Variants in RFTN1 observed in about 807,000 individuals in gnomAD.
RFTN1 encodes the protein raftlin.
Under a neutral mutation model 46.5 loss-of-function variants are expected in RFTN1, and 26 were observed. That is an observed-to-expected ratio of 0.56 (90% CI 0.41 to 0.78). The LOEUF is 0.78. RFTN1 is among the 30% of genes least tolerant of loss of function. RFTN1 has a pLI of 0.00. For missense variants in RFTN1, 693 were observed against 718.7 expected (o/e 0.96, Z 0.41); for synonymous variants, 261 against 284.2 (o/e 0.92, Z 0.82).
chr3:16,324,450 C>T (rs1316502867), intron 8 of RFTN1, among the ~76,000 whole-genome samples: 1 of 152,164 alleles, frequency 6.6e-6, no homozygotes, highest in Non-Finnish European at 1.5e-5. Context: ...CCCCACTCCC[C>T]AGCCTCTGGT....
In RFTN1 at chr3:16,370,302, T is replaced by C. The variant is rs778474479; in HGVS notation, c.827-23A>G. The stretch of plus-strand genomic sequence containing the variant: ...TTTCTGTTGGGATTTGTAAAGGGAG[T>C]GGAGAGAGAAGAGGTCAACTGATGA... On this transcript the variant is annotated intron_variant, in intron 5 of 9. Transcript: ENST00000334133. The surrounding 1 kb of genome is among the most constrained non-coding windows in gnomAD (Gnocchi z 5.5). 1.2e-6 allele frequency: 2 copies of C among 1,610,342 alleles called. No individual in the cohort carries two copies. The highest frequency in any genetic ancestry group is 2.2e-5 in the East Asian group (1 of 44,824).
intron 2 of RFTN1, among the ~76,000 whole-genome samples, chr3:16,467,798 T>C (rs1009235051): frequency 6.6e-6 from 1 of 152,034 alleles, no homozygotes; most frequent in Non-Finnish European, 1.5e-5. Flanking sequence ...AAGACAGAAA[T>C]GGGTGAAAGC....
At position 16,335,374 on chromosome 3, in the gene RFTN1, G is replaced by T. The variant is rs1360629497; in HGVS notation, c.1147-8498C>A. ...TTGGACAATCCTGCATGGGAAACAG[G>T]CTTAAGAAGGGAGTTTGTACCACAT... On this transcript the variant is annotated intron_variant, in intron 7 of 9. Transcript: ENST00000334133. The surrounding 1 kb of genome is among the most constrained non-coding windows in gnomAD (Gnocchi z 4.7). Among the ~76,000 whole-genome samples the T allele has an allele frequency of 6.6e-6, 1 of 152,188 alleles. No homozygotes were observed. Among genetic ancestry groups the T allele is most frequent in the Non-Finnish European group, 1.5e-5 (1 of 68,034 alleles).
intron 2 of RFTN1, among the ~76,000 whole-genome samples, chr3:16,435,929 T>C (rs1490101261): frequency 2.0e-5 from 3 of 149,400 alleles, no homozygotes; most frequent in Non-Finnish European, 4.4e-5. Flanking sequence ...TATATATATA[T>C]ATATATATAT....
rs6782966 is a variant in RFTN1 at position 16,458,353 on chromosome 3, G to A, written c.146-24316C>T. Among the ~76,000 whole-genome samples, 3,144 of 152,302 alleles carry A rather than the reference G, an allele frequency of 0.021. 99 individuals carry two copies. Among genetic ancestry groups the A allele is most frequent in the African/African-American group, 0.071 (2,954 of 41,552 alleles). On this transcript the variant is annotated intron_variant, in intron 2 of 9. Transcript: ENST00000334133. This position sits in a 1 kb window ranked among gnomAD's most constrained non-coding sequence, Gnocchi z 5.1. ...GTCCAGGTATGCTCGGGGTGCTGGAGTTTCAGGTAGTGGGGTGCTATGCCC... is the reference window on the plus strand; with the variant it reads ...GTCCAGGTATGCTCGGGGTGCTGGAATTTCAGGTAGTGGGGTGCTATGCCC...
intron 6 of RFTN1, among the ~76,000 whole-genome samples, chr3:16,369,584 G>C (rs768777721): frequency 6.6e-6 from 1 of 152,234 alleles, no homozygotes; most frequent in Non-Finnish European, 1.5e-5. Flanking sequence ...TGGGGAGGGG[G>C]TACTGGGTGC....
At chr3:16,467,815 C>G (rs2076126719) in intron 2 of RFTN1, among the ~76,000 whole-genome samples, 1 of 152,296 alleles carries the variant, frequency 6.6e-6, no homozygotes, top group African/African-American at 2.4e-5. Flanking sequence ...AAGCCTTTCA[C>G]AGCAAATATC....
chr3:16,471,979 T>A (rs935247726), intron 2 of RFTN1: 2 of 152,134 alleles, frequency 1.3e-5, no homozygotes, highest in Non-Finnish European at 2.9e-5. Context: ...CTCGATAGCA[T>A]CTTCATATGG....
intron 2 of RFTN1, among the ~76,000 whole-genome samples, chr3:16,493,067 TG>T (rs1362353443): frequency 3.3e-5 from 5 of 152,222 alleles, no homozygotes; most frequent in African/African-American, 4.8e-5. Flanking sequence ...CAGGTGAATT[TG>T]GGTGGAGAGG....
intron 7 of RFTN1, among the ~76,000 whole-genome samples, chr3:16,347,076 C>T (rs1254348711): frequency 6.6e-6 from 1 of 152,230 alleles, no homozygotes; most frequent in Non-Finnish European, 1.5e-5. Flanking sequence ...CCCTGGGCTT[C>T]TGTTGGCCTT....
Position 16,493,993 on chromosome 3 carries a change from C to T in RFTN1, c.-8-116G>A, listed in dbSNP as rs2076584972. 1.4e-5 allele frequency: 16 copies of T among 1,107,374 alleles called. 1 individual carries two copies. In the South Asian group the frequency reaches 2.2e-4, roughly 16 times the overall value. The allele number at this position is 1,107,374 out of a possible 1,614,324, so 68.6% of individuals were successfully genotyped here. ...GAAGAATACATGACAGACCTCAGCC[C>T]TTATGAAACTGAGAGTATAATTTAA... On this transcript the variant is annotated intron_variant, in intron 1 of 9. Coordinates refer to ENST00000334133, the MANE Select transcript of RFTN1 (RefSeq NM_015150.2).
intron 7 of RFTN1, among the ~76,000 whole-genome samples, chr3:16,343,349 T>C (rs777710777): frequency 6.6e-6 from 1 of 152,206 alleles, no homozygotes; most frequent in Non-Finnish European, 1.5e-5. Flanking sequence ...TTAGACCTAG[T>C]TTTTCCCTTA....
At position 16,409,372 on chromosome 3, in the gene RFTN1, C is replaced by T. The variant is rs377306523; in HGVS notation, c.441+3G>A. On this transcript the variant is annotated splice_donor_region_variant and intron_variant, in intron 4 of 9. Transcript: ENST00000334133. ...TCAATGGTACCCTGACTGTAGCGCT[C>T]ACCTTCTTAATGAACTCTGGGATGA... 1.6e-5 allele frequency: 25 copies of T among 1,596,456 alleles called. No individual in the cohort carries two copies. The Admixed American group carries it at 2.2e-4, about 14-fold the overall frequency.
chr3:16,474,606 GAA>G lies in RFTN1; in HGVS notation c.145+19117_145+19118del, dbSNP rs996165081. On this transcript the variant is annotated intron_variant, in intron 2 of 9. Transcript: ENST00000334133. This position sits in a 1 kb window ranked among gnomAD's most constrained non-coding sequence, Gnocchi z 5.5. Reference sequence around the variant, plus strand: ...TTTAAAGCACTCAAGGAGAGGTGAAGAAAAAAAAAATAGGCTCCCCTCCAATG... The same window carrying G: ...TTTAAAGCACTCAAGGAGAGGTGAAGAAAAAAAATAGGCTCCCCTCCAATG... 6.7e-6 allele frequency among the ~76,000 whole-genome samples: 1 copy of G among 149,162 alleles called. No individual in the cohort carries two copies. Among genetic ancestry groups the G allele is most frequent in the African/African-American group, 2.5e-5 (1 of 40,658 alleles).
chr3:16,420,250 A>G (rs940981518), intron 3 of RFTN1, among the ~76,000 whole-genome samples: 2 of 152,206 alleles, frequency 1.3e-5, no homozygotes, highest in African/African-American at 2.4e-5. Context: ...GCCACACAGA[A>G]TGGGAGCTGG....
At chr3:16,375,949 C>T (rs961826973) in intron 5 of RFTN1, among the ~76,000 whole-genome samples, 2 of 152,134 alleles carry the variant, frequency 1.3e-5, no homozygotes, top group African/African-American at 4.8e-5. Flanking sequence ...TGAGTGGCCA[C>T]GGGGTAGCAA....
chr3:16,511,276 T>C (rs1575394416), intron 1 of RFTN1, among the ~76,000 whole-genome samples: 1 of 152,244 alleles, frequency 6.6e-6, no homozygotes, highest in African/African-American at 2.4e-5. Flanking sequence ...ACTATATGTA[T>C]ATAAATTTTA....
chr3:16,406,295 A>G (rs1463065068), intron 4 of RFTN1, among the ~76,000 whole-genome samples: 1 of 152,228 alleles, frequency 6.6e-6, no homozygotes, highest in Non-Finnish European at 1.5e-5. Context: ...TCTTGTTGTC[A>G]TGGCAACTGG....
rs1047079646 is a variant in RFTN1, at chr3:16,356,320, C to T, written c.1146+1612G>A. Among the ~76,000 whole-genome samples the T allele has an allele frequency of 1.3e-5, 2 of 152,202 alleles. No individual in the cohort carries two copies. Among genetic ancestry groups the T allele is most frequent in the Non-Finnish European group, 2.9e-5 (2 of 68,040 alleles). On this transcript the variant is annotated intron_variant, in intron 7 of 9. Transcript: ENST00000334133. The surrounding 1 kb of genome is among the most constrained non-coding windows in gnomAD (Gnocchi z 4.9). ...AGTAACTGGTGGGGCTGATCTCACA[C>T]CAGGCTGTCACCTGGTTCCTGACTT...
Sources: allele counts gnomAD v4.1 joint callset (sites outside exome capture counted in the v4.1 genomes callset), GRCh38; gene constraint gnomAD v4.1.1; non-coding constraint Gnocchi (gnomAD v3.1); transcripts MANE v1.5; gene names NCBI Gene and HGNC (gene_info 2026-07-23, HGNC 2026-07-21).